SBF2: variants seen among roughly 807,000 people sequenced by gnomAD.
SBF2 encodes the protein SET binding factor 2, also known as myotubularin-related protein 13.
SBF2 carries 112 observed loss-of-function variants against 225.2 expected under a neutral mutation model. The observed-to-expected ratio is 0.50, with a 90% CI of 0.43 to 0.58. The LOEUF (loss-of-function observed/expected upper bound fraction) is 0.58, where lower values mean the gene tolerates loss of function less well. SBF2 is among the 20% of genes least tolerant of loss of function. SBF2 has a pLI of 0.00. For synonymous variants in SBF2, 763 were observed against 773.3 expected (o/e 0.99, Z 0.22); for missense variants, 1,996 against 2,206.2 (o/e 0.90, Z 1.91).
At position 9,984,518 on chromosome 11, in the gene SBF2, T is replaced by C. The variant is rs562138369; in HGVS notation, c.1395+4979A>G. 3.8e-3 allele frequency among the ~76,000 whole-genome samples: 578 copies of C among 152,260 alleles called. 4 individuals carry two copies. The highest frequency in any genetic ancestry group is 5.2e-3 in the South Asian group (25 of 4,820). ...CTGGAAAACATATTTGGGGGAATAATTGAGGAAAACATCCCCGGCCTTGCA... is the reference window on the plus strand; with the variant it reads ...CTGGAAAACATATTTGGGGGAATAACTGAGGAAAACATCCCCGGCCTTGCA... On this transcript the variant is annotated intron_variant, in intron 13 of 39. Transcript: ENST00000256190.
At chr11:10,041,460 T>C (rs1949655599) in intron 3 of SBF2, among the ~76,000 whole-genome samples, 1 of 152,164 alleles carries the variant, frequency 6.6e-6, no homozygotes, top group Non-Finnish European at 1.5e-5. Flanking sequence ...TCGGTTTGAT[T>C]CCATAATCAA....
intron 16 of SBF2, among the ~76,000 whole-genome samples, chr11:9,900,370 C>T (rs1193238642): frequency 2.6e-5 from 4 of 152,050 alleles, no homozygotes; most frequent in East Asian, 1.9e-4. Flanking sequence ...TTACCAGCTC[C>T]GCCCTGACTC....
At chr11:10,055,570 C>CA (rs1451741008) in intron 2 of SBF2, among the ~76,000 whole-genome samples, 1 of 127,254 alleles carries the variant, frequency 7.9e-6, no homozygotes, top group East Asian at 2.3e-4. Flanking sequence ...CACACACACA[C>CA]ACCATGGAAT....
At chr11:10,238,150 T>A (rs906242053) in intron 1 of SBF2, among the ~76,000 whole-genome samples, 8 of 152,192 alleles carry the variant, frequency 5.3e-5, no homozygotes, top group African/African-American at 1.9e-4. Flanking sequence ...GGCTCATACC[T>A]GTTATCTCAG....
At chr11:10,014,391 A>G (rs1298658679) in intron 6 of SBF2, among the ~76,000 whole-genome samples, 2 of 150,214 alleles carry the variant, frequency 1.3e-5, no homozygotes, top group Non-Finnish European at 1.5e-5. Context: ...TCATATTTGT[A>G]TGTTCCTTCT....
chr11:10,289,300 G>A (rs928336917), intron 1 of SBF2, among the ~76,000 whole-genome samples: 4 of 152,132 alleles, frequency 2.6e-5, no homozygotes, highest in Admixed American at 2.0e-4. Context: ...TGTGTGGGGT[G>A]GGGGGGCCTC....
chr11:9,950,778 G>A (rs1865812368), intron 16 of SBF2, among the ~76,000 whole-genome samples: 1 of 152,182 alleles, frequency 6.6e-6, no homozygotes, highest in African/African-American at 2.4e-5. Flanking sequence ...AGGGGCAAAA[G>A]CTACTGGCCT....
chr11:10,214,784 G>A (rs980470971), intron 1 of SBF2, among the ~76,000 whole-genome samples: 1 of 152,172 alleles, frequency 6.6e-6, no homozygotes, highest in African/African-American at 2.4e-5. Context: ...GGTTACCAGT[G>A]ACCCTTCTAG....
At chr11:9,794,847 A>C (rs1260494312) in intron 33 of SBF2, among the ~76,000 whole-genome samples, 30 of 152,150 alleles carry the variant, frequency 2.0e-4, no homozygotes, top group Admixed American at 1.9e-3. Context: ...TGGAAGTATA[A>C]ACAGGGTGGA....
At chr11:9,998,225 T>G (rs1208883985) in intron 9 of SBF2, 41 bp downstream of exon 9, 1 of 1,181,108 alleles carries the variant, frequency 8.5e-7, no homozygotes, top group Non-Finnish European at 1.3e-6. Context: ...AGCTTCAGAT[T>G]TAAATAAAGA....
rs933565069 is a variant in SBF2 at position 9,905,475 on chromosome 11, T to C, written c.1861-9464A>G. 3.9e-5 allele frequency among the ~76,000 whole-genome samples: 6 copies of C among 152,224 alleles called. No homozygotes were observed. In the East Asian group the frequency reaches 7.7e-4, roughly 20 times the overall value. On this transcript the variant is annotated intron_variant, in intron 16 of 39. Coordinates refer to ENST00000256190, the MANE Select transcript of SBF2 (RefSeq NM_030962.4). ...TTTTCATTTACTCAACAAATATTTA[T>C]TGAGTATCTACTATGTGCCAGGCAT...
intron 31 of SBF2, 77 bp downstream of exon 31, chr11:9,808,822 AAG>A: frequency 9.6e-7 from 1 of 1,042,272 alleles, no homozygotes; most frequent in Admixed American, 1.9e-5. Context: ...CATTATACAA[AAG>A]AGTCATCTGA....
chr11:9,882,174 C>T (rs1859823639), intron 17 of SBF2, among the ~76,000 whole-genome samples: 1 of 152,144 alleles, frequency 6.6e-6, no homozygotes, highest in African/African-American at 2.4e-5. Flanking sequence ...AGCAAAAATG[C>T]AAGCAGTCAC....
At chr11:9,999,382 G>A (rs1335474946) in intron 8 of SBF2, among the ~76,000 whole-genome samples, 2 of 151,918 alleles carry the variant, frequency 1.3e-5, no homozygotes, top group African/African-American at 2.4e-5. Context: ...GTATAGTGGT[G>A]CAATCTTGAC....
intron 2 of SBF2, among the ~76,000 whole-genome samples, chr11:10,161,777 G>A (rs964505097): frequency 2.1e-5 from 3 of 144,166 alleles, no homozygotes; most frequent in Admixed American, 1.5e-4. Flanking sequence ...ACCAGCCCAG[G>A]CAACATAGCA....
intron 35 of SBF2, among the ~76,000 whole-genome samples, chr11:9,788,635 C>A (rs1318081374): frequency 2.0e-5 from 3 of 151,110 alleles, no homozygotes; most frequent in African/African-American, 7.3e-5. Context: ...TGCTCTGTCA[C>A]CCAGGCTGGA....
intron 28 of SBF2, among the ~76,000 whole-genome samples, chr11:9,822,260 T>C (rs1224542949): frequency 1.4e-5 from 2 of 144,388 alleles, no homozygotes; most frequent in African/African-American, 5.1e-5. Context: ...ACTAAACTCT[T>C]TTTTTTTTTT....
intron 30 of SBF2, among the ~76,000 whole-genome samples, chr11:9,811,841 C>CGTGGCAGCTCATGCCT (rs1854202680): frequency 6.6e-6 from 1 of 151,584 alleles, no homozygotes; most frequent in African/African-American, 2.4e-5. Context: ...GGGGGCCAGG[C>CGTGGCAGCTCATGCCT]GTGGCAGCTC....
At chr11:10,223,522 G>C (rs1366079469) in intron 1 of SBF2, among the ~76,000 whole-genome samples, 1 of 147,504 alleles carries the variant, frequency 6.8e-6, no homozygotes, top group East Asian at 2.0e-4. Flanking sequence ...TTATAGTATT[G>C]TACTGTATTT....
Sources: gnomAD v4.1 joint callset for allele counts (sites outside exome capture counted in the v4.1 genomes callset) on GRCh38, gnomAD v4.1.1 for gene constraint, MANE v1.5 for transcripts, NCBI Gene and HGNC (gene_info 2026-07-23, HGNC 2026-07-21) for gene names.